The following KHDRBS2 variants were observed in gnomAD, a reference collection of about 807,000 sequenced individuals.
KHDRBS2 encodes KH domain-containing, RNA-binding, signal transduction-associated protein 2.
In KHDRBS2, 26 loss-of-function variants were observed where a neutral mutation model predicts 44.3. The ratio of observed to expected loss-of-function variants is 0.59; its 90% CI spans 0.43 to 0.81. The LOEUF is 0.81. Among genes scored for constraint, KHDRBS2 ranks in the 40% least tolerant of loss-of-function variants. The pLI is 0.00. For missense variants in KHDRBS2, 476 were observed against 433.1 expected (o/e 1.10, Z -0.88); for synonymous variants, 194 against 151.1 (o/e 1.28, Z -2.08).
At chr6:61,844,652 C>G (rs1292558296) in intron 6 of KHDRBS2, among the ~76,000 whole-genome samples, 1 of 152,082 alleles carries the variant, frequency 6.6e-6, no homozygotes, top group African/African-American at 2.4e-5. Flanking sequence ...AGAACAGTGT[C>G]TGGCACAAAG....
At chr6:62,113,255 A>G (rs1478864681) in intron 2 of KHDRBS2, among the ~76,000 whole-genome samples, 1 of 152,138 alleles carries the variant, frequency 6.6e-6, no homozygotes, top group African/African-American at 2.4e-5. Context: ...GATTCATTGA[A>G]TATACTGACT....
At chr6:61,809,822 G>A (rs1787813929) in intron 6 of KHDRBS2, among the ~76,000 whole-genome samples, 1 of 152,116 alleles carries the variant, frequency 6.6e-6, no homozygotes. Flanking sequence ...GGATTTAGCT[G>A]TATAAATCAT....
chr6:61,783,468 C>A (rs1222607026), intron 6 of KHDRBS2, among the ~76,000 whole-genome samples: 2 of 152,008 alleles, frequency 1.3e-5, no homozygotes, highest in African/African-American at 2.4e-5. Flanking sequence ...TAGCATGTAG[C>A]AAGCACTCAT....
chr6:61,724,720 T>C (rs185190929), intron 7 of KHDRBS2, among the ~76,000 whole-genome samples: 101 of 152,126 alleles, frequency 6.6e-4, no homozygotes, highest in Admixed American at 1.2e-3. Context: ...AGAAAGGCAA[T>C]ACATAATGGT....
chr6:62,058,167 T>C (rs1584411567), intron 2 of KHDRBS2, among the ~76,000 whole-genome samples: 2 of 151,884 alleles, frequency 1.3e-5, no homozygotes, highest in East Asian at 3.9e-4. Context: ...ATACAACTAC[T>C]CTTTCACTTT....
At chr6:61,643,729 C>G in the KHDRBS2 span, among the ~76,000 whole-genome samples, 1 of 152,004 alleles carries the variant, frequency 6.6e-6, no homozygotes, top group Non-Finnish European at 1.5e-5. Context: ...AATAAAATAC[C>G]TAGGAATACA....
At position 62,019,182 on chromosome 6, in the gene KHDRBS2, A is replaced by G. The variant is rs115554364; in HGVS notation, c.336+28696T>C. Reference sequence around the variant, plus strand: ...AATTTTAGTTAGGTTTATTTTTAGAATAAGTACTAATAAAATTCGTATTAG... The same window carrying G: ...AATTTTAGTTAGGTTTATTTTTAGAGTAAGTACTAATAAAATTCGTATTAG... On this transcript the variant is annotated intron_variant, in intron 3 of 8. Transcript: ENST00000281156. 1.5e-3 allele frequency among the ~76,000 whole-genome samples: 227 copies of G among 152,150 alleles called. 1 individual carries two copies. Among genetic ancestry groups the G allele is most frequent in the African/African-American group, 5.3e-3 (220 of 41,560 alleles).
chr6:62,018,210 A>T (rs904896691), intron 3 of KHDRBS2, among the ~76,000 whole-genome samples: 1 of 150,616 alleles, frequency 6.6e-6, no homozygotes, highest in African/African-American at 2.4e-5. Flanking sequence ...AAAATATACA[A>T]ATATTCTTAT....
chr6:61,561,899 C>T, the KHDRBS2 span, among the ~76,000 whole-genome samples: 2 of 152,140 alleles, frequency 1.3e-5, no homozygotes, highest in African/African-American at 4.8e-5. Context: ...TACTCTCTAG[C>T]CACTTAGATA....
At chr6:62,036,671 T>A (rs1279324819) in intron 3 of KHDRBS2, among the ~76,000 whole-genome samples, 9 of 152,060 alleles carry the variant, frequency 5.9e-5, no homozygotes, top group African/African-American at 2.2e-4. Flanking sequence ...TCCTTGATGT[T>A]AATCTACTAG....
intron 1 of KHDRBS2, among the ~76,000 whole-genome samples, chr6:62,197,827 A>G: frequency 6.6e-6 from 1 of 152,130 alleles, no homozygotes; most frequent in Non-Finnish European, 1.5e-5. Flanking sequence ...AATTGACCAC[A>G]TAGTTGGAAG....
the KHDRBS2 span, among the ~76,000 whole-genome samples, chr6:61,642,512 G>C: frequency 2.2e-5 from 3 of 138,442 alleles, no homozygotes; most frequent in Admixed American, 2.2e-4. Context: ...AAAAAAAAAG[G>C]TTAGCCGGGC....
At chr6:61,724,048 T>G (rs1409434230) in intron 7 of KHDRBS2, among the ~76,000 whole-genome samples, 1 of 151,948 alleles carries the variant, frequency 6.6e-6, no homozygotes, top group Non-Finnish European at 1.5e-5. Flanking sequence ...GAAAAGTAAT[T>G]TAAGGGCAAG....
chr6:62,073,576 T>C (rs1015982337), intron 2 of KHDRBS2, among the ~76,000 whole-genome samples: 1 of 148,426 alleles, frequency 6.7e-6, no homozygotes, highest in African/African-American at 2.5e-5. Context: ...TCTATTCTAA[T>C]GTTATTTCCT....
chr6:61,991,493 C>T (rs979094276), intron 3 of KHDRBS2, among the ~76,000 whole-genome samples: 21 of 152,052 alleles, frequency 1.4e-4, no homozygotes, highest in Admixed American at 3.9e-4. Context: ...AAGAAACCTA[C>T]GAAACCAATT....
At chr6:61,955,344 GTATACATA>G (rs1373491359) in intron 4 of KHDRBS2, among the ~76,000 whole-genome samples, 18 of 107,346 alleles carry the variant, frequency 1.7e-4, no homozygotes, top group Non-Finnish European at 2.3e-4. Context: ...ACATATGTAT[GTATACATA>G]TATATGTATA....
At chr6:61,608,092 A>G in the KHDRBS2 span, among the ~76,000 whole-genome samples, 1 of 152,154 alleles carries the variant, frequency 6.6e-6, no homozygotes, top group African/African-American at 2.4e-5. Flanking sequence ...CAACTTGACA[A>G]ACTGATTTAA....
chr6:62,234,219 C>T (rs915415544), intron 1 of KHDRBS2, among the ~76,000 whole-genome samples: 9 of 152,140 alleles, frequency 5.9e-5, no homozygotes, highest in African/African-American at 7.2e-5. Context: ...CTAGCACCTA[C>T]GGTTGAAAGA....
chr6:62,228,547 T>A (rs761162576), intron 1 of KHDRBS2, among the ~76,000 whole-genome samples: 19 of 152,172 alleles, frequency 1.2e-4, no homozygotes, highest in African/African-American at 3.1e-4. Context: ...TCTGCTCTGA[T>A]CTTAGTTATT....
Sources: allele counts gnomAD v4.1 joint callset (sites outside exome capture counted in the v4.1 genomes callset), GRCh38; gene constraint gnomAD v4.1.1; transcripts MANE v1.5; gene names NCBI Gene and HGNC (gene_info 2026-07-23, HGNC 2026-07-21).